MCOLN3: variants seen among roughly 807,000 people sequenced by gnomAD.
MCOLN3 encodes mucolipin-3.
In MCOLN3, 62 loss-of-function variants were observed where a neutral mutation model predicts 69.4. The observed-to-expected ratio is 0.89, with a 90% CI of 0.73 to 1.10. The LOEUF is 1.10. MCOLN3 is among the 50% of genes least tolerant of loss of function. The pLI is 0.00. For synonymous variants in MCOLN3, 183 were observed against 217.0 expected (o/e 0.84, Z 1.38); for missense variants, 564 against 656.4 (o/e 0.86, Z 1.54).
chr1:85,033,133 T>C (rs566502639), intron 4 of MCOLN3, among the ~76,000 whole-genome samples, 177 bp from the exon 5 acceptor site: 1 of 152,326 alleles, frequency 6.6e-6, no homozygotes, highest in African/African-American at 2.4e-5. Context: ...CCGTGACTCA[T>C]GTGTTTTTAA....
chr1:85,038,134 GAAGA>G (rs1221814271), intron 3 of MCOLN3, among the ~76,000 whole-genome samples: 3 of 152,154 alleles, frequency 2.0e-5, no homozygotes, highest in Non-Finnish European at 2.9e-5. Context: ...AGACCAGAAG[GAAGA>G]AACAGCCTAG....
chr1:85,025,852 A>C (rs1292437874), intron 9 of MCOLN3, 87 bp downstream of exon 9: 2 of 1,291,012 alleles, frequency 1.5e-6, no homozygotes, highest in Non-Finnish European at 2.1e-6. Flanking sequence ...GAAACAATTC[A>C]TTCTGAAAAT....
chr1:85,034,603 T>C (rs1459672662), intron 3 of MCOLN3, among the ~76,000 whole-genome samples: 1 of 152,222 alleles, frequency 6.6e-6, no homozygotes, highest in South Asian at 2.1e-4. Flanking sequence ...CTTTAAACTA[T>C]CTCCTGTAAG....
At position 85,026,212 on chromosome 1, in the gene MCOLN3, AG is replaced by A. The variant is rs767481199; in HGVS notation, c.904del (p.Leu302SerfsTer6). 2 of 1,614,204 alleles carry A rather than the reference AG, an allele frequency of 1.2e-6. No individual in the cohort carries two copies. The highest frequency in any genetic ancestry group is 3.3e-5 in the Admixed American group (2 of 60,032). On this transcript the variant is annotated frameshift_variant, in exon 8 of 13. Transcript: ENST00000370589. LOFTEE classifies it high-confidence loss of function. ...VILTCLVSLI[L>X]CIRSVIRGLQ... Reference sequence around the variant, plus strand: ...TCCTCTAATCACAGATCTAATGCAGAGGATTAATGAAACCAAGCAAGTCAGA... The same window carrying A: ...TCCTCTAATCACAGATCTAATGCAGAGATTAATGAAACCAAGCAAGTCAGA...
chr1:85,047,891 G>A (rs373607248), intron 1 of MCOLN3, among the ~76,000 whole-genome samples: 184 of 152,250 alleles, frequency 1.2e-3, no homozygotes, highest in African/African-American at 4.3e-3. Flanking sequence ...GCCGCAGCCC[G>A]GCTGGCGGCT....
chr1:85,030,185 T>C (rs2102926780), intron 6 of MCOLN3, among the ~76,000 whole-genome samples: 1 of 152,370 alleles, frequency 6.6e-6, no homozygotes, highest in Middle Eastern at 3.4e-3. Flanking sequence ...GTTACTTGAT[T>C]GAGTCAGAAA....
At chr1:85,048,230 G>A (rs1400634412) in intron 1 of MCOLN3, among the ~76,000 whole-genome samples, 166 bp downstream of exon 1, 2 of 151,938 alleles carry the variant, frequency 1.3e-5, no homozygotes, top group African/African-American at 4.8e-5. Flanking sequence ...TGCATCTCGC[G>A]CCCAGCTCCA....
Position 85,018,773 on chromosome 1 carries a change from T to G in MCOLN3, c.*350A>C. Reference sequence around the variant, plus strand: ...TCCAAAGTCACAGTCAGACCAAGGATTGTTTTCCACTAATTACACAGTCTG... The same window carrying G: ...TCCAAAGTCACAGTCAGACCAAGGAGTGTTTTCCACTAATTACACAGTCTG... On this transcript the variant is annotated 3_prime_UTR_variant, in exon 13 of 13. Transcript: ENST00000370589. The G allele has an allele frequency of 5.4e-6, 1 of 184,148 alleles. No individual in the cohort carries two copies. The highest frequency in any genetic ancestry group is 1.1e-5 in the Non-Finnish European group (1 of 89,222). The allele number at this position is 184,148 out of a possible 1,614,324, so 11.4% of individuals were successfully genotyped here.
chr1:85,046,461 C>T (rs1042956732), intron 1 of MCOLN3, among the ~76,000 whole-genome samples: 6 of 152,230 alleles, frequency 3.9e-5, no homozygotes, highest in Non-Finnish European at 8.8e-5. Flanking sequence ...ACTATGGAAA[C>T]CTGTTCAAAG....
At chr1:85,032,117 T>C (rs1164232517) in intron 6 of MCOLN3, among the ~76,000 whole-genome samples, 1 of 151,972 alleles carries the variant, frequency 6.6e-6, no homozygotes, top group Non-Finnish European at 1.5e-5. Flanking sequence ...TAATAACATA[T>C]ATTGTGGGTT....
chr1:85,032,756 G>C lies in MCOLN3; in HGVS notation c.672C>G (p.Ala224=). The part of the protein sequence containing the change: ...LTVELQFKLK[A]INLQTVRHQE... ...GATGACGAACTGTCTGCAGATTAAT[G>C]GCTTTCAGTTTAAACTGAAGCTCCA... Residue 224 remains alanine (A), a synonymous_variant, in exon 6 of 13, where the codon GCC becomes GCG. Transcript: ENST00000370589. 6.2e-7 allele frequency: 1 copy of C among 1,614,090 alleles called. No homozygotes were observed. The highest frequency in any genetic ancestry group is 2.2e-5 in the East Asian group (1 of 44,878).
chr1:85,039,000 T>TA (rs1431679346), intron 3 of MCOLN3, among the ~76,000 whole-genome samples: 1 of 151,766 alleles, frequency 6.6e-6, no homozygotes, highest in Non-Finnish European at 1.5e-5. Flanking sequence ...GTCTCAAAAA[T>TA]AAAAAATAAA....
chr1:85,025,851 C>T, intron 9 of MCOLN3, 88 bp downstream of exon 9: 1 of 1,290,844 alleles, frequency 7.7e-7, no homozygotes. Flanking sequence ...AGAAACAATT[C>T]ATTCTGAAAA....
At chr1:85,024,789 T>G (rs764551087) in intron 9 of MCOLN3, 2 of 152,146 alleles carry the variant, frequency 1.3e-5, no homozygotes, top group African/African-American at 4.8e-5. Flanking sequence ...TTTTTTTGTT[T>G]TGGTTTTTTA....
chr1:85,038,163 G>T (rs546276519), intron 3 of MCOLN3, among the ~76,000 whole-genome samples: 1 of 152,276 alleles, frequency 6.6e-6, no homozygotes, highest in African/African-American at 2.4e-5. Flanking sequence ...TGGGTGGGAG[G>T]AGAATATGAA....
In MCOLN3 at chr1:85,045,197, G is replaced by A; in HGVS notation, c.164C>T (p.Ala55Val). The stretch of plus-strand genomic sequence containing the variant: ...AAGTTTCCATGGTTTTCTACCTCGA[G>A]CCCAGAACTTCTCACAGGGATTCAT... ...FFMNPCEKFW[A>V]RGRKPWKLAI... is the part of the protein sequence containing the mutation. Residue 55 changes from alanine to valine, a missense_variant, in exon 2 of 13, where the codon GCT becomes GTT. Ala to Val is a moderately conservative substitution (Grantham distance 64, BLOSUM62 0). Coordinates refer to ENST00000370589, the MANE Select transcript of MCOLN3 (RefSeq NM_018298.11). The A allele has an allele frequency of 6.2e-7, 1 of 1,613,968 alleles. No individual in the cohort carries two copies. The highest frequency in any genetic ancestry group is 8.5e-7 in the Non-Finnish European group (1 of 1,180,004).
chr1:85,026,618 A>G (rs1652234548), intron 7 of MCOLN3, among the ~76,000 whole-genome samples: 1 of 150,496 alleles, frequency 6.6e-6, no homozygotes, highest in Non-Finnish European at 1.5e-5. Context: ...TTAGCCGGGC[A>G]TGGTGGTGAG....
chr1:85,028,084 G>C (rs4907122), intron 7 of MCOLN3, among the ~76,000 whole-genome samples: 144,762 of 152,266 alleles, frequency 0.95, 69,014 homozygotes, highest in East Asian at 1. Context: ...TGTGTATGCT[G>C]TCATTTTCCT....
chr1:85,018,965 T>A lies in MCOLN3; in HGVS notation c.*158A>T. 1.6e-6 allele frequency: 1 copy of A among 643,760 alleles called. No homozygotes were observed. Among genetic ancestry groups the A allele is most frequent in the Non-Finnish European group, 2.4e-6 (1 of 408,476 alleles). The allele number at this position is 643,760 out of a possible 1,614,324, so 39.9% of individuals were successfully genotyped here. A position where few individuals can be genotyped will look rare whatever the true frequency, so the allele number is the denominator to read the frequency against. ...CATAAAGTTGCAAAGACATTAAATA[T>A]TGCTTTTAAAAATATAAACAGTTAT... On this transcript the variant is annotated 3_prime_UTR_variant, in exon 13 of 13. Coordinates refer to ENST00000370589, the MANE Select transcript of MCOLN3 (RefSeq NM_018298.11).
Sources: allele counts gnomAD v4.1 joint callset (sites outside exome capture counted in the v4.1 genomes callset), GRCh38; gene constraint gnomAD v4.1.1; transcripts MANE v1.5; gene names NCBI Gene and HGNC (gene_info 2026-07-23, HGNC 2026-07-21).